The following SORCS2 variants were observed in gnomAD, a reference collection of about 807,000 sequenced individuals.
The protein encoded by SORCS2 is sortilin related VPS10 domain containing receptor 2.
A neutral mutation model predicts 141.6 loss-of-function variants in SORCS2; 100 were observed. That is an observed-to-expected ratio of 0.71 (90% CI 0.60 to 0.83). The LOEUF (loss-of-function observed/expected upper bound fraction) is 0.83. Ranked by LOEUF, SORCS2 falls within the 40% of genes least tolerant of loss-of-function variation. The pLI, the probability that SORCS2 is intolerant of heterozygous loss-of-function variation, is 0.00. For synonymous variants in SORCS2, 789 were observed against 676.9 expected (o/e 1.17, Z -2.57); for missense variants, 1,646 against 1,560.2 (o/e 1.05, Z -0.93).
intron 1 of SORCS2, among the ~76,000 whole-genome samples, chr4:7,372,297 A>T (rs1270723762): frequency 1.3e-5 from 2 of 152,084 alleles, no homozygotes; most frequent in Admixed American, 6.6e-5. Context: ...ATGTAGTAAA[A>T]TTCACTTTTT....
intron 18 of SORCS2, among the ~76,000 whole-genome samples, chr4:7,719,716 C>A (rs115618323): frequency 7.9e-5 from 12 of 152,136 alleles, no homozygotes; most frequent in African/African-American, 2.9e-4. Flanking sequence ...GCTGCCCGTC[C>A]GGGGCCGACT....
chr4:7,367,886 G>A (rs577867437), intron 1 of SORCS2, among the ~76,000 whole-genome samples: 5 of 152,308 alleles, frequency 3.3e-5, no homozygotes, highest in South Asian at 2.1e-4. Flanking sequence ...GAGCACAGGC[G>A]GAGACAGCCC....
chr4:7,613,058 C>T (rs1718525019), intron 3 of SORCS2, among the ~76,000 whole-genome samples: 1 of 152,242 alleles, frequency 6.6e-6, no homozygotes, highest in Non-Finnish European at 1.5e-5. Flanking sequence ...ACAGGCTCTG[C>T]CTACCAGGAA....
intron 1 of SORCS2, among the ~76,000 whole-genome samples, chr4:7,337,021 C>T (rs1720030206): frequency 6.6e-6 from 1 of 152,184 alleles, no homozygotes; most frequent in Admixed American, 6.5e-5. Context: ...TGCTGGGAAT[C>T]ACACACAATC....
intron 3 of SORCS2, among the ~76,000 whole-genome samples, chr4:7,620,892 C>T (rs1263839874): frequency 2.0e-5 from 3 of 152,186 alleles, no homozygotes; most frequent in African/African-American, 2.4e-5. Context: ...TCCTGCTCCT[C>T]GGCCACGAGG....
chr4:7,542,608 C>T (rs1449938584), intron 3 of SORCS2, among the ~76,000 whole-genome samples: 1 of 152,144 alleles, frequency 6.6e-6, no homozygotes, highest in Non-Finnish European at 1.5e-5. Flanking sequence ...ATTGTTGACA[C>T]CTTCATTTTG....
At chr4:7,302,766 CATAT>C (rs1170696749) in intron 1 of SORCS2, among the ~76,000 whole-genome samples, 6 of 51,940 alleles carry the variant, frequency 1.2e-4, no homozygotes, top group African/African-American at 2.5e-4. Flanking sequence ...AGACAGTCCA[CATAT>C]GTGTGTGTGT....
chr4:7,301,251 T>C (rs1717411449), intron 1 of SORCS2, among the ~76,000 whole-genome samples: 1 of 152,190 alleles, frequency 6.6e-6, no homozygotes, highest in Non-Finnish European at 1.5e-5. Context: ...TATGTGCCAG[T>C]CACTGTGCTA....
chr4:7,593,220 T>G (rs561253379), intron 3 of SORCS2, among the ~76,000 whole-genome samples: 1 of 152,178 alleles, frequency 6.6e-6, no homozygotes, highest in Non-Finnish European at 1.5e-5. Context: ...AGGCTTCTTA[T>G]GGCCAGTGGA....
chr4:7,337,569 C>T (rs893517595), intron 1 of SORCS2, among the ~76,000 whole-genome samples: 1 of 152,122 alleles, frequency 6.6e-6, no homozygotes, highest in Admixed American at 6.5e-5. Flanking sequence ...AGGTGGCTGA[C>T]AAGACAAGGC....
chr4:7,452,030 GCTC>G, intron 2 of SORCS2, among the ~76,000 whole-genome samples: 2 of 152,204 alleles, frequency 1.3e-5, no homozygotes, highest in South Asian at 4.1e-4. Flanking sequence ...CAGCTGCCCG[GCTC>G]CTCCTGCTCT....
At position 7,449,421 on chromosome 4, in the gene SORCS2, G is replaced by A. The variant is rs530418651; in HGVS notation, c.548+53066G>A. The stretch of plus-strand genomic sequence containing the variant: ...CCTTCACAATAGCCCAGGATGGAAC[G>A]TACAGACTGACCAGGAAACAAACCC... On this transcript the variant is annotated intron_variant, in intron 2 of 26. Transcript: ENST00000507866. Among the ~76,000 whole-genome samples the A allele has an allele frequency of 1.3e-4, 11 of 87,710 alleles. No homozygotes were observed. The South Asian group carries it at 2.3e-3, about 18-fold the overall frequency. The allele number at this position is 87,710 out of a possible 152,430, so 57.5% of individuals were successfully genotyped here. A position where few individuals can be genotyped will look rare whatever the true frequency, so the allele number is the denominator to read the frequency against.
At chr4:7,390,497 T>C (rs1723787440) in intron 1 of SORCS2, among the ~76,000 whole-genome samples, 1 of 152,158 alleles carries the variant, frequency 6.6e-6, no homozygotes, top group South Asian at 2.1e-4. Context: ...AACTGGGCGC[T>C]CATGCAGGGC....
chr4:7,741,138 C>A lies in SORCS2; in HGVS notation c.*874C>A, dbSNP rs1189672459. 1 of 398,536 alleles carries A rather than the reference C, an allele frequency of 2.5e-6. No individual in the cohort carries two copies. The highest frequency in any genetic ancestry group is 2.1e-5 in the African/African-American group (1 of 48,596). The allele number at this position is 398,536 out of a possible 1,614,324, so 24.7% of individuals were successfully genotyped here. On this transcript the variant is annotated 3_prime_UTR_variant, in exon 27 of 27. Coordinates refer to ENST00000507866, the MANE Select transcript of SORCS2 (RefSeq NM_020777.3). ...TGGGCTCTGGAAGGAGCCAGATGCCCCCAGAAAGGTGGGTGGTGGAGACGG... is the reference window on the plus strand; with the variant it reads ...TGGGCTCTGGAAGGAGCCAGATGCCACCAGAAAGGTGGGTGGTGGAGACGG...
At chr4:7,479,809 G>A (rs886594878) in intron 2 of SORCS2, among the ~76,000 whole-genome samples, 23 of 152,376 alleles carry the variant, frequency 1.5e-4, no homozygotes, top group African/African-American at 4.8e-4. Context: ...GGTGCAGTGA[G>A]CAGAGTCAGC....
In SORCS2 at chr4:7,277,005, G is replaced by T. The variant is rs772047226; in HGVS notation, c.480+83879G>T. Among the ~76,000 whole-genome samples the T allele has an allele frequency of 2.6e-5, 4 of 152,292 alleles. No individual in the cohort carries two copies. The South Asian group carries it at 8.3e-4, about 32-fold the overall frequency. On this transcript the variant is annotated intron_variant, in intron 1 of 26. Transcript: ENST00000507866. The stretch of plus-strand genomic sequence containing the variant: ...TAGAGTGACCCTGTAGCTGTTTCCT[G>T]CTTCTGGGCTTTTAAACACCTTGGC...
chr4:7,230,699 C>G (rs28507084), intron 1 of SORCS2, among the ~76,000 whole-genome samples: 30 of 76,830 alleles, frequency 3.9e-4, no homozygotes, highest in Non-Finnish European at 5.3e-4. Flanking sequence ...GGAGCAGTGT[C>G]ATGTGCTCAT....
At chr4:7,372,633 T>G (rs1266907340) in intron 1 of SORCS2, among the ~76,000 whole-genome samples, 1 of 152,150 alleles carries the variant, frequency 6.6e-6, no homozygotes, top group Admixed American at 6.5e-5. Flanking sequence ...AAAGCATATT[T>G]CTCAGTAAGT....
intron 8 of SORCS2, among the ~76,000 whole-genome samples, chr4:7,672,325 T>C (rs966525686): frequency 2.0e-4 from 31 of 152,106 alleles, no homozygotes; most frequent in Non-Finnish European, 7.4e-5. Context: ...ATCAATATGA[T>C]CATCAACAGA....
Sources: gnomAD v4.1 joint callset for allele counts (sites outside exome capture counted in the v4.1 genomes callset) on GRCh38, gnomAD v4.1.1 for gene constraint, MANE v1.5 for transcripts, NCBI Gene and HGNC (gene_info 2026-07-23, HGNC 2026-07-21) for gene names.